The following ADGRL3 variants were observed in gnomAD, a reference collection of about 807,000 sequenced individuals.
ADGRL3 encodes the protein calcium-independent alpha-latrotoxin receptor 3.
In ADGRL3, 62 loss-of-function variants were observed where a neutral mutation model predicts 153.5. The ratio of observed to expected loss-of-function variants is 0.40; its 90% CI spans 0.33 to 0.50. ADGRL3 has a LOEUF of 0.50. Among genes scored for constraint, ADGRL3 ranks in the 20% least tolerant of loss-of-function variants. ADGRL3 has a pLI of 0.47. For missense variants in ADGRL3, 1,641 were observed against 1,859.4 expected (o/e 0.88, Z 2.16); for synonymous variants, 710 against 672.5 (o/e 1.06, Z -0.86).
chr4:61,580,491 T>C (rs1184924300), intron 4 of ADGRL3, among the ~76,000 whole-genome samples: 1 of 152,128 alleles, frequency 6.6e-6, no homozygotes, highest in African/African-American at 2.4e-5. Context: ...GTCAATTCTT[T>C]AAACATTCTT....
chr4:61,852,282 A>AT lies in ADGRL3; in HGVS notation c.1480+38397dup, dbSNP rs1464284515. Among the ~76,000 whole-genome samples the AT allele has an allele frequency of 4.2e-5, 6 of 142,470 alleles. No individual in the cohort carries two copies. The East Asian group carries it at 8.3e-4, about 20-fold the overall frequency. 93.5% of individuals were successfully genotyped at this position (142,470 alleles called of 152,430 possible). Reference sequence around the variant, plus strand: ...ATTGGTGCATTTAACTACTTATTTTATTTTAATTTTATTTTATTTTATTTT... The same window carrying AT: ...ATTGGTGCATTTAACTACTTATTTTATTTTTAATTTTATTTTATTTTATTTT... On this transcript the variant is annotated intron_variant, in intron 9 of 26. Coordinates refer to ENST00000683033, the MANE Select transcript of ADGRL3 (RefSeq NM_001387552.1).
intron 5 of ADGRL3, among the ~76,000 whole-genome samples, chr4:61,635,516 G>T (rs1050605539): frequency 6.6e-6 from 1 of 152,064 alleles, no homozygotes; most frequent in Non-Finnish European, 1.5e-5. Context: ...TCATGCATCC[G>T]AGGACAGCAC....
At chr4:61,635,164 C>T (rs748312073) in intron 5 of ADGRL3, among the ~76,000 whole-genome samples, 2 of 152,086 alleles carry the variant, frequency 1.3e-5, no homozygotes, top group Non-Finnish European at 2.9e-5. Context: ...TTGAGATCCC[C>T]CTTCCCATCA....
intron 3 of ADGRL3, among the ~76,000 whole-genome samples, chr4:61,515,289 G>A (rs1337067330): frequency 1.3e-5 from 2 of 152,092 alleles, no homozygotes; most frequent in African/African-American, 4.8e-5. Flanking sequence ...TCACACAACT[G>A]AATGTTGTAT....
At chr4:61,795,414 G>A (rs570392745) in intron 8 of ADGRL3, among the ~76,000 whole-genome samples, 25 of 152,216 alleles carry the variant, frequency 1.6e-4, no homozygotes, top group South Asian at 1.2e-3. Flanking sequence ...TCTGTGGGCC[G>A]CAACCTATAT....
chr4:61,775,398 TTCTTTG>T, intron 8 of ADGRL3: 1 of 515,822 alleles, frequency 1.9e-6, no homozygotes, highest in Non-Finnish European at 3.5e-6. Context: ...TTTTTTTTCT[TTCTTTG>T]TGTGTGTGTG....
rs750077514 is a variant in ADGRL3, at chr4:61,497,255, G to C, written c.-39G>C. 7 of 1,311,978 alleles carry C rather than the reference G, an allele frequency of 5.3e-6. No homozygotes were observed. In the African/African-American group the frequency reaches 8.9e-5, roughly 17 times the overall value. The allele number at this position is 1,311,978 out of a possible 1,614,324, so 81.3% of individuals were successfully genotyped here. On this transcript the variant is annotated 5_prime_UTR_variant, in exon 3 of 27. Transcript: ENST00000683033. ...ACGTATTTTGTTTCACATTTGAACAGTCATTCTTGAGGAATACTCCATACC... is the reference window on the plus strand; with the variant it reads ...ACGTATTTTGTTTCACATTTGAACACTCATTCTTGAGGAATACTCCATACC...
chr4:61,524,664 T>C lies in ADGRL3; in HGVS notation c.259+7146T>C, dbSNP rs2098549335. On this transcript the variant is annotated intron_variant, in intron 4 of 26. Coordinates refer to ENST00000683033, the MANE Select transcript of ADGRL3 (RefSeq NM_001387552.1). ...TTGTTATCACATCTCTAAAGTGTGA[T>C]ATAAAAATGCATATATTGTAGTGAT... is the stretch of plus-strand genomic sequence containing the variant. Among the ~76,000 whole-genome samples, 3 of 152,064 alleles carry C rather than the reference T, an allele frequency of 2.0e-5. No homozygotes were observed. In the South Asian group the frequency reaches 6.2e-4, roughly 31 times the overall value.
At chr4:61,773,570 C>T (rs1376651106) in intron 8 of ADGRL3, among the ~76,000 whole-genome samples, 1 of 152,086 alleles carries the variant, frequency 6.6e-6, no homozygotes. Context: ...AGAATAACTG[C>T]CATGCGTTGC....
chr4:61,975,362 G>A (rs886807156), intron 17 of ADGRL3, among the ~76,000 whole-genome samples: 4 of 152,096 alleles, frequency 2.6e-5, no homozygotes, highest in African/African-American at 4.8e-5. Context: ...GTCCAAAGGA[G>A]CATCAGATGC....
At chr4:61,746,372 A>G (rs1440025278) in intron 8 of ADGRL3, among the ~76,000 whole-genome samples, 1 of 152,210 alleles carries the variant, frequency 6.6e-6, no homozygotes, top group African/African-American at 2.4e-5. Context: ...ACCCATCTAC[A>G]GAACTCTCCA....
At chr4:61,863,985 A>G (rs1159825262) in intron 9 of ADGRL3, among the ~76,000 whole-genome samples, 2 of 152,174 alleles carry the variant, frequency 1.3e-5, no homozygotes, top group Non-Finnish European at 2.9e-5. Flanking sequence ...TCTGCAAGAG[A>G]ATAAAAGGAA....
chr4:61,203,079 G>C (rs1735554664), intron 1 of ADGRL3, among the ~76,000 whole-genome samples: 1 of 152,276 alleles, frequency 6.6e-6, no homozygotes. Flanking sequence ...CTGGTGCAGC[G>C]CTCGATGCAC....
At chr4:61,303,476 C>A (rs1197844103) in intron 1 of ADGRL3, among the ~76,000 whole-genome samples, 1 of 151,506 alleles carries the variant, frequency 6.6e-6, no homozygotes. Flanking sequence ...TTTTTCTTCA[C>A]TAACAAAAGT....
At chr4:62,037,143 T>C (rs1246897507) in intron 23 of ADGRL3, among the ~76,000 whole-genome samples, 2 of 152,172 alleles carry the variant, frequency 1.3e-5, no homozygotes, top group Non-Finnish European at 2.9e-5. Flanking sequence ...TTTGATCTCT[T>C]TTAAGAGAAA....
At chr4:61,256,266 TC>T (rs1418497963) in intron 1 of ADGRL3, among the ~76,000 whole-genome samples, 1 of 152,228 alleles carries the variant, frequency 6.6e-6, no homozygotes, top group Non-Finnish European at 1.5e-5. Context: ...ATCATTTTTT[TC>T]TTTATCCTTT....
At chr4:61,711,413 A>G (rs2095979097) in intron 6 of ADGRL3, among the ~76,000 whole-genome samples, 1 of 143,872 alleles carries the variant, frequency 7.0e-6, no homozygotes, top group African/African-American at 2.6e-5. Context: ...TTGGCAACAG[A>G]GGACCTTACA....
chr4:61,873,552 T>A (rs1262075243), intron 9 of ADGRL3, among the ~76,000 whole-genome samples: 1 of 152,190 alleles, frequency 6.6e-6, no homozygotes, highest in African/African-American at 2.4e-5. Flanking sequence ...TAATCTGTAT[T>A]TCTGAAAGCC....
intron 2 of ADGRL3, among the ~76,000 whole-genome samples, chr4:61,444,699 C>T (rs2097562973): frequency 6.6e-6 from 1 of 151,962 alleles, no homozygotes; most frequent in Non-Finnish European, 1.5e-5. Flanking sequence ...GGTATTTTGT[C>T]ATTAAAAAAC....
Sources: gnomAD v4.1 joint callset for allele counts (sites outside exome capture counted in the v4.1 genomes callset) on GRCh38, gnomAD v4.1.1 for gene constraint, MANE v1.5 for transcripts, NCBI Gene and HGNC (gene_info 2026-07-23, HGNC 2026-07-21) for gene names.